The following MGST1 variants were observed in gnomAD, a reference collection of about 807,000 sequenced individuals.
MGST1 encodes microsomal glutathione S-transferase 1, also known as glutathione S-transferase 12.
Under a neutral mutation model 8.9 loss-of-function variants are expected in MGST1, and 5 were observed. The observed-to-expected ratio is 0.56, with a 90% CI of 0.29 to 1.19. MGST1 has a LOEUF of 1.19. Ranked by LOEUF, MGST1 falls within the 50% of genes most tolerant of loss-of-function variation. The pLI is 0.08. For synonymous variants in MGST1, 54 were observed against 67.8 expected (o/e 0.80, Z 1.00); for missense variants, 182 against 187.4 (o/e 0.97, Z 0.17).
chr12:16,558,026 C>A (rs1376391471), intron 4 of MGST1, among the ~76,000 whole-genome samples: 3 of 152,012 alleles, frequency 2.0e-5, no homozygotes, highest in African/African-American at 7.2e-5. Flanking sequence ...ATATGTGAAG[C>A]TCTGTCCATA....
chr12:16,427,046 A>C (rs890579077), intron 1 of MGST1, among the ~76,000 whole-genome samples: 1 of 152,018 alleles, frequency 6.6e-6, no homozygotes, highest in South Asian at 2.1e-4. Flanking sequence ...TGAAATTTCT[A>C]TTGTGTGTTA....
downstream of MGST1, among the ~76,000 whole-genome samples, chr12:16,381,184 G>A (rs1304130156): frequency 6.6e-6 from 1 of 152,094 alleles, no homozygotes; most frequent in East Asian, 1.9e-4. Context: ...CTGTCATTAT[G>A]ATGTTAGCTG....
intron 1 of MGST1, among the ~76,000 whole-genome samples, chr12:16,396,858 T>A (rs1302607296): frequency 6.6e-6 from 1 of 152,132 alleles, no homozygotes; most frequent in Non-Finnish European, 1.5e-5. Flanking sequence ...ACGACCATAC[T>A]GCCAAAAGCA....
chr12:16,463,803 T>TA (rs1428750196), intron 4 of MGST1, among the ~76,000 whole-genome samples: 1 of 152,230 alleles, frequency 6.6e-6, no homozygotes, highest in Non-Finnish European at 1.5e-5. Flanking sequence ...TTTTGTTGTC[T>TA]AAGTACAGCT....
intron 4 of MGST1, among the ~76,000 whole-genome samples, chr12:16,486,801 T>G (rs1941401423): frequency 6.6e-6 from 1 of 152,184 alleles, no homozygotes; most frequent in Non-Finnish European, 1.5e-5. Context: ...GTTTTGGGAC[T>G]TCAGCAGGAA....
chr12:16,439,676 A>G (rs140505643), downstream of MGST1, among the ~76,000 whole-genome samples: 65 of 151,208 alleles, frequency 4.3e-4, no homozygotes, highest in Admixed American at 1.5e-3. Context: ...GTTTTAAAGA[A>G]CTCTCCAAGC....
intron 1 of MGST1, among the ~76,000 whole-genome samples, chr12:16,402,671 A>G (rs1241242199): frequency 6.6e-6 from 1 of 151,996 alleles, no homozygotes; most frequent in Non-Finnish European, 1.5e-5. Context: ...TCCCTTATTA[A>G]TACAATAGAT....
intron 4 of MGST1, among the ~76,000 whole-genome samples, chr12:16,535,529 A>G (rs905221810): frequency 2.0e-5 from 3 of 152,252 alleles, no homozygotes; most frequent in African/African-American, 4.8e-5. Context: ...AGATAGTCAA[A>G]CTACACAAAC....
intron 4 of MGST1, among the ~76,000 whole-genome samples, chr12:16,578,094 C>T (rs113224451): frequency 5.3e-5 from 8 of 152,224 alleles, no homozygotes; most frequent in East Asian, 1.9e-4. Context: ...TCATTGCTCA[C>T]GGCACCTCAT....
At chr12:16,443,150 T>C (rs1941051986), downstream of MGST1, among the ~76,000 whole-genome samples, 1 of 151,852 alleles carries the variant, frequency 6.6e-6, no homozygotes, top group Non-Finnish European at 1.5e-5. Flanking sequence ...GATGCAATTA[T>C]GTCCAATATT....
upstream of MGST1, among the ~76,000 whole-genome samples, chr12:16,382,669 C>T (rs1313947152): frequency 6.6e-6 from 1 of 152,208 alleles, no homozygotes; most frequent in Non-Finnish European, 1.5e-5. Context: ...TCAAAGCTGT[C>T]AGACAGGGAC....
intron 4 of MGST1, among the ~76,000 whole-genome samples, chr12:16,444,034 G>T (rs984671325): frequency 4.0e-5 from 6 of 151,874 alleles, no homozygotes; most frequent in African/African-American, 1.4e-4. Context: ...CGATCAGTCA[G>T]ATAGCGTAGC....
At chr12:16,564,471 A>T (rs542874242) in intron 4 of MGST1, among the ~76,000 whole-genome samples, 1 of 152,360 alleles carries the variant, frequency 6.6e-6, no homozygotes, top group Non-Finnish European at 1.5e-5. Flanking sequence ...GGGTAGGGAA[A>T]AACTCAAGAC....
intron 4 of MGST1, among the ~76,000 whole-genome samples, chr12:16,534,877 C>T (rs935875127): frequency 1.3e-5 from 2 of 152,080 alleles, no homozygotes; most frequent in African/African-American, 4.8e-5. Flanking sequence ...AGCCAGGCTG[C>T]CATATCCTGA....
chr12:16,423,175 G>A (rs1346281721), intron 1 of MGST1, among the ~76,000 whole-genome samples: 4 of 152,162 alleles, frequency 2.6e-5, no homozygotes, highest in Admixed American at 2.0e-4. Context: ...ATTGCCTAAT[G>A]TGAAATACAT....
chr12:16,411,199 C>T (rs906423294), intron 1 of MGST1, among the ~76,000 whole-genome samples: 1 of 152,148 alleles, frequency 6.6e-6, no homozygotes, highest in Non-Finnish European at 1.5e-5. Flanking sequence ...CATGTAGGCT[C>T]TAAGCTGCAT....
At chr12:16,425,343 C>T (rs1467333051) in intron 1 of MGST1, among the ~76,000 whole-genome samples, 1 of 152,074 alleles carries the variant, frequency 6.6e-6, no homozygotes, top group Non-Finnish European at 1.5e-5. Context: ...AGTGCAATGG[C>T]ATGATCTCGG....
intron 4 of MGST1, among the ~76,000 whole-genome samples, chr12:16,466,284 AT>A (rs1798552552): frequency 6.6e-6 from 1 of 152,198 alleles, no homozygotes; most frequent in Admixed American, 6.5e-5. Flanking sequence ...TGAATTTGTG[AT>A]TTGTGAAAGG....
At chr12:16,489,131 T>A (rs994740783) in intron 4 of MGST1, among the ~76,000 whole-genome samples, 8 of 151,878 alleles carry the variant, frequency 5.3e-5, no homozygotes, top group Non-Finnish European at 4.4e-5. Context: ...AATAAATAAA[T>A]AAAAAATAAA....
Sources: gnomAD v4.1 joint callset for allele counts (sites outside exome capture counted in the v4.1 genomes callset) on GRCh38, gnomAD v4.1.1 for gene constraint, MANE v1.5 for transcripts, NCBI Gene and HGNC (gene_info 2026-07-23, HGNC 2026-07-21) for gene names.